Variants in PALLD observed in about 807,000 individuals in gnomAD.
The protein encoded by PALLD is palladin, cytoskeletal associated protein.
In PALLD, 61 loss-of-function variants were observed where a neutral mutation model predicts 123.5. The observed-to-expected ratio is 0.49, with a 90% CI of 0.40 to 0.61. The LOEUF (loss-of-function observed/expected upper bound fraction) is 0.61. PALLD is among the 20% of genes least tolerant of loss of function. The pLI, the probability that PALLD is intolerant of heterozygous loss-of-function variation, is 0.00. For synonymous variants in PALLD, 465 were observed against 496.4 expected, an observed-to-expected ratio of 0.94 and a Z score of 0.84; for missense variants, 1,273 against 1,377.0, an observed-to-expected ratio of 0.92 and a Z score of 1.20.
At chr4:168,917,292 C>T (rs990710641) in intron 17 of PALLD, among the ~76,000 whole-genome samples, 1 of 152,122 alleles carries the variant, frequency 6.6e-6, no homozygotes, top group African/African-American at 2.4e-5. Flanking sequence ...TCGTGATCCG[C>T]CCTCCTCGGC....
At position 168,915,939 on chromosome 4, in the gene PALLD, T is replaced by C. The variant is rs958874337; in HGVS notation, c.2762T>C (p.Ile921Thr). The C allele has an allele frequency of 6.2e-7, 1 of 1,613,466 alleles. No individual in the cohort carries two copies. The highest frequency in any genetic ancestry group is 8.5e-7 in the Non-Finnish European group (1 of 1,179,374). The change falls in exon 17 of 22, where the codon ATT (isoleucine) becomes ACT (threonine). Residue 921 changes from isoleucine (I) to threonine (T), a missense_variant. Transcript: ENST00000505667. ...GACAGTGGAGACGAAAATGAACCAATTCAGGAGCGATTCTTCAGACCTCAC... is the reference window on the plus strand; with the variant it reads ...GACAGTGGAGACGAAAATGAACCAACTCAGGAGCGATTCTTCAGACCTCAC... ...SRDSGDENEPIQERFFRPHFL... is the reference protein window; with the variant it reads ...SRDSGDENEPTQERFFRPHFL...
At chr4:168,598,355 A>G in intron 2 of PALLD, 1 of 567,136 alleles carries the variant, frequency 1.8e-6, no homozygotes, top group Non-Finnish European at 3.5e-6. Context: ...TTGCCATGGG[A>G]ACTGTTTGGC....
At chr4:168,499,100 T>C (rs571735680) in intron 1 of PALLD, among the ~76,000 whole-genome samples, 21 of 148,072 alleles carry the variant, frequency 1.4e-4, no homozygotes, top group African/African-American at 4.7e-4. Context: ...AATTATAAAA[T>C]TGTAGTGCAT....
intron 10 of PALLD, among the ~76,000 whole-genome samples, chr4:168,859,919 T>C (rs1289562058): frequency 6.6e-6 from 1 of 152,210 alleles, no homozygotes; most frequent in Non-Finnish European, 1.5e-5. Flanking sequence ...GTAAATAATA[T>C]AAAAATTGTC....
At position 168,518,401 on chromosome 4, in the gene PALLD, G is replaced by C. The variant is rs114735260; in HGVS notation, c.908+5989G>C. Among the ~76,000 whole-genome samples, 1,452 of 152,168 alleles carry C rather than the reference G, an allele frequency of 9.5e-3. 27 individuals carry two copies. The highest frequency in any genetic ancestry group is 0.033 in the African/African-American group (1,356 of 41,520). On this transcript the variant is annotated intron_variant, in intron 2 of 21. Transcript: ENST00000505667. ...ACAGCACTGCCCGAACACCGTCCAG[G>C]GGCTTCTCACTTAGTCCGAGTAAAA...
At chr4:168,560,249 C>T (rs568197998) in intron 2 of PALLD, among the ~76,000 whole-genome samples, 1 of 152,292 alleles carries the variant, frequency 6.6e-6, no homozygotes, top group African/African-American at 2.4e-5. Flanking sequence ...ACCTCTCAAA[C>T]AAGAAAACTG....
At chr4:168,885,100 T>A (rs954228852) in intron 10 of PALLD, among the ~76,000 whole-genome samples, 21 of 152,210 alleles carry the variant, frequency 1.4e-4, no homozygotes, top group African/African-American at 5.1e-4. Context: ...TCTGAATTTC[T>A]TCTTCTTCTC....
intron 2 of PALLD, among the ~76,000 whole-genome samples, chr4:168,619,953 T>C (rs947051450): frequency 2.6e-5 from 4 of 152,140 alleles, no homozygotes; most frequent in Non-Finnish European, 5.9e-5. Context: ...CCAATAGTAG[T>C]GATGAGTTTG....
At chr4:168,543,291 C>G (rs1580227349) in intron 2 of PALLD, among the ~76,000 whole-genome samples, 1 of 151,170 alleles carries the variant, frequency 6.6e-6, no homozygotes, top group East Asian at 2.0e-4. Flanking sequence ...ACACATGACA[C>G]CTAGTTGATA....
At chr4:168,848,470 T>G (rs549357152) in intron 10 of PALLD, among the ~76,000 whole-genome samples, 10 of 151,808 alleles carry the variant, frequency 6.6e-5, no homozygotes, top group South Asian at 4.2e-4. Flanking sequence ...CTTGGTGGTG[T>G]TCTGTGTTTT....
intron 2 of PALLD, among the ~76,000 whole-genome samples, chr4:168,628,073 A>G (rs1005015340): frequency 3.3e-5 from 5 of 152,272 alleles, no homozygotes; most frequent in African/African-American, 9.6e-5. Flanking sequence ...TGTATTTATC[A>G]AAATTCAAAA....
chr4:168,670,441 A>AT (rs1452290997), intron 3 of PALLD, among the ~76,000 whole-genome samples: 1 of 152,062 alleles, frequency 6.6e-6, no homozygotes, highest in African/African-American at 2.4e-5. Context: ...TTTTAAAAAA[A>AT]GCCGGGCGCG....
intron 2 of PALLD, among the ~76,000 whole-genome samples, chr4:168,571,511 A>G (rs1367592313): frequency 6.6e-6 from 1 of 152,188 alleles, no homozygotes; most frequent in East Asian, 1.9e-4. Context: ...GTTTTTAAGT[A>G]TATCTAAGGA....
intron 2 of PALLD, among the ~76,000 whole-genome samples, chr4:168,544,432 T>C (rs1765946277): frequency 6.6e-6 from 1 of 152,258 alleles, no homozygotes; most frequent in East Asian, 1.9e-4. Context: ...TGTGTGTTAA[T>C]TACCTATTTA....
intron 6 of PALLD, among the ~76,000 whole-genome samples, chr4:168,688,162 T>C (rs1474723209): frequency 6.6e-6 from 1 of 152,236 alleles, no homozygotes. Context: ...GCTGATCTCC[T>C]CTGTAACTCA....
At chr4:168,583,961 T>C (rs909912247) in intron 2 of PALLD, among the ~76,000 whole-genome samples, 1 of 152,186 alleles carries the variant, frequency 6.6e-6, no homozygotes, top group Admixed American at 6.5e-5. Context: ...TACATGCAAT[T>C]AAATTTTCTG....
At chr4:168,793,130 T>G (rs921814759) in intron 10 of PALLD, among the ~76,000 whole-genome samples, 2 of 138,632 alleles carry the variant, frequency 1.4e-5, no homozygotes, top group South Asian at 2.3e-4. Context: ...TGTGTGTGCA[T>G]ATATATACAT....
chr4:168,706,005 A>C (rs1784191825), intron 8 of PALLD, among the ~76,000 whole-genome samples: 1 of 152,180 alleles, frequency 6.6e-6, no homozygotes, highest in South Asian at 2.1e-4. Flanking sequence ...TTTTTTTATT[A>C]TGGTTAAAGA....
rs141405014 is a variant in PALLD at position 168,863,587 on chromosome 4, A to G, written c.1965-27335A>G. ...CAGTGTCTAGTGTTCCACTGATCCT[A>G]CATAGTAATTTTGAAAGACGATAGC... On this transcript the variant is annotated intron_variant, in intron 10 of 21. Coordinates refer to ENST00000505667, the MANE Select transcript of PALLD (RefSeq NM_001166108.2). 1.8e-4 allele frequency among the ~76,000 whole-genome samples: 28 copies of G among 152,296 alleles called. No individual in the cohort carries two copies. The East Asian group carries it at 4.6e-3, about 25-fold the overall frequency.
Sources: allele counts gnomAD v4.1 joint callset (sites outside exome capture counted in the v4.1 genomes callset), GRCh38; gene constraint gnomAD v4.1.1; transcripts MANE v1.5; gene names NCBI Gene and HGNC (gene_info 2026-07-23, HGNC 2026-07-21).